CCDC144A: variants seen among roughly 807,000 people sequenced by gnomAD.
CCDC144A encodes coiled-coil domain-containing protein 144A.
In CCDC144A, 41 loss-of-function variants were observed where a neutral mutation model predicts 143.8. The observed-to-expected ratio is 0.29, with a 90% CI of 0.22 to 0.37. The LOEUF is 0.37. Ranked by LOEUF, CCDC144A falls within the 10% of genes least tolerant of loss-of-function variation. The pLI is 1.00. For missense variants in CCDC144A, 637 were observed against 1,488.8 expected (o/e 0.43, Z 9.41); for synonymous variants, 242 against 517.9 (o/e 0.47, Z 7.23).
At chr17:16,669,359 C>T in the CCDC144A span, among the ~76,000 whole-genome samples, 1 of 152,178 alleles carries the variant, frequency 6.6e-6, no homozygotes, top group Non-Finnish European at 1.5e-5. Context: ...TGTAGTCAGG[C>T]ATTCAACTGT....
intron 3 of CCDC144A, chr17:16,705,609 A>G (rs1406031822): frequency 5.4e-6 from 3 of 554,696 alleles, no homozygotes; most frequent in Non-Finnish European, 9.8e-6. Flanking sequence ...GGAAAGCATG[A>G]TTTTCTTTAG....
At position 16,709,024 on chromosome 17, in the gene CCDC144A, A is replaced by G; in HGVS notation, c.967A>G (p.Asn323Asp). 6.2e-7 allele frequency: 1 copy of G among 1,611,728 alleles called. No individual in the cohort carries two copies. Among genetic ancestry groups the G allele is most frequent in the Non-Finnish European group, 8.5e-7 (1 of 1,179,642 alleles). ...TCCTGAGGAAGAGCCACTACTTGAT[A>G]ACTCTACAAGAGGAACAGATGTAAA... ...ACPEEEPLLDNSTRGTDVKDI... is the reference protein window; with the variant it reads ...ACPEEEPLLDDSTRGTDVKDI... The change falls in exon 5 of 17, where the codon AAC (asparagine) becomes GAC (aspartate). Residue 323 changes from asparagine to aspartate, a missense_variant. By Grantham distance (23) the Asn-to-Asp change is conservative. Coordinates refer to ENST00000399273, the MANE Select transcript of CCDC144A (RefSeq NM_001382000.1).
chr17:16,717,937 GA>G (rs1912870276), intron 6 of CCDC144A, among the ~76,000 whole-genome samples: 1 of 152,202 alleles, frequency 6.6e-6, no homozygotes, highest in South Asian at 2.1e-4. Flanking sequence ...GCCAGTGTTT[GA>G]GAAGGTAATT....
chr17:16,718,771 A>G (rs1417423988), intron 6 of CCDC144A, among the ~76,000 whole-genome samples: 1 of 141,714 alleles, frequency 7.1e-6, no homozygotes, highest in Non-Finnish European at 1.5e-5. Context: ...GTTTTGTTTA[A>G]GTACTTTAGA....
the CCDC144A span, among the ~76,000 whole-genome samples, chr17:16,682,854 A>G: frequency 6.8e-6 from 1 of 147,902 alleles, no homozygotes; most frequent in Admixed American, 6.8e-5. Flanking sequence ...AGTCCTTACT[A>G]AAAGGAATGT....
intron 6 of CCDC144A, among the ~76,000 whole-genome samples, chr17:16,719,180 T>C (rs1362726121): frequency 6.6e-6 from 1 of 151,806 alleles, no homozygotes; most frequent in Non-Finnish European, 1.5e-5. Context: ...CAATGGATTA[T>C]AAAGTTCTGA....
At chr17:16,684,660 T>TC (rs1393626030), upstream of CCDC144A, among the ~76,000 whole-genome samples, 5,668 of 130,718 alleles carry the variant, frequency 0.043, 198 homozygotes, top group African/African-American at 0.1. Context: ...AGACTCCATC[T>TC]AAAAAAAAAA....
intron 12 of CCDC144A, among the ~76,000 whole-genome samples, chr17:16,758,894 C>T (rs1433670126): frequency 6.6e-6 from 1 of 152,148 alleles, no homozygotes; most frequent in Non-Finnish European, 1.5e-5. Context: ...AACCACTTGT[C>T]CCAATCTCTT....
intron 2 of CCDC144A, among the ~76,000 whole-genome samples, 175 bp from the exon 3 acceptor site, chr17:16,704,976 C>T (rs546259857): frequency 2.6e-5 from 4 of 152,058 alleles, no homozygotes; most frequent in African/African-American, 9.6e-5. Flanking sequence ...TTATACTTAC[C>T]TGAATGAATT....
chr17:16,743,441 G>A (rs934035210), intron 12 of CCDC144A, among the ~76,000 whole-genome samples: 5 of 152,050 alleles, frequency 3.3e-5, no homozygotes, highest in African/African-American at 7.2e-5. Context: ...TGTTCCATTG[G>A]TTTAATTTTC....
At chr17:16,693,758 T>G (rs1222312677) in intron 2 of CCDC144A, among the ~76,000 whole-genome samples, 1 of 150,968 alleles carries the variant, frequency 6.6e-6, no homozygotes, top group Non-Finnish European at 1.5e-5. Flanking sequence ...TCAATCACAA[T>G]TGACCCTTAA....
In CCDC144A at chr17:16,690,359, A is replaced by C. The variant is rs767669501; in HGVS notation, c.-42A>C. 1.0e-5 allele frequency: 15 copies of C among 1,439,892 alleles called. No individual in the cohort carries two copies. Among genetic ancestry groups the C allele is most frequent in the East Asian group, 2.4e-5 (1 of 41,882 alleles). 89.2% of individuals were successfully genotyped at this position (1,439,892 alleles called of 1,614,324 possible). ...TTTCGCAGATTGGAAACCGCGGGCT[A>C]TCCTGCTGGGAGGTTGTGGCCGAGG... On this transcript the variant is annotated 5_prime_UTR_variant, in exon 1 of 17. Coordinates refer to ENST00000399273, the MANE Select transcript of CCDC144A (RefSeq NM_001382000.1).
rs867866410 is a variant in CCDC144A at position 16,773,702 on chromosome 17, A to G, written c.*69A>G. 1.2e-4 allele frequency: 163 copies of G among 1,356,710 alleles called. No individual in the cohort carries two copies. The African/African-American group carries it at 2.2e-3, about 19-fold the overall frequency. The allele number at this position is 1,356,710 out of a possible 1,614,324, so 84.0% of individuals were successfully genotyped here. A position where few individuals can be genotyped will look rare whatever the true frequency, so the allele number is the denominator to read the frequency against. Reference sequence around the variant, plus strand: ...TTCCCATTAAATATATGATGTGAACATTTTTACTAAAGGGAAATATTCTAT... The same window carrying G: ...TTCCCATTAAATATATGATGTGAACGTTTTTACTAAAGGGAAATATTCTAT... On this transcript the variant is annotated 3_prime_UTR_variant, in exon 17 of 17. Coordinates refer to ENST00000399273, the MANE Select transcript of CCDC144A (RefSeq NM_001382000.1).
chr17:16,770,890 A>G, intron 15 of CCDC144A, among the ~76,000 whole-genome samples: 1 of 151,982 alleles, frequency 6.6e-6, no homozygotes, highest in Non-Finnish European at 1.5e-5. Context: ...CTGGATGGTA[A>G]TGCTGTTGTC....
intron 2 of CCDC144A, among the ~76,000 whole-genome samples, chr17:16,702,592 T>C (rs1911795870): frequency 6.6e-6 from 1 of 152,106 alleles, no homozygotes; most frequent in East Asian, 1.9e-4. Context: ...AAATGTACAG[T>C]TTTCCCCCCT....
At chr17:16,742,020 C>T (rs989507209) in intron 12 of CCDC144A, among the ~76,000 whole-genome samples, 5 of 151,266 alleles carry the variant, frequency 3.3e-5, no homozygotes, top group African/African-American at 1.2e-4. Flanking sequence ...ACCCCGGAGG[C>T]GGAGATTGCA....
rs549811268 is a variant in CCDC144A at position 16,708,831 on chromosome 17, C to T, written c.774C>T (p.Cys258=). The T allele has an allele frequency of 1.1e-5, 17 of 1,611,542 alleles. No individual in the cohort carries two copies. Among genetic ancestry groups the T allele is most frequent in the East Asian group, 8.9e-5 (4 of 44,856 alleles). The change falls in exon 5 of 17, where the codon TGC becomes TGT. Residue 258 remains cysteine (C), a synonymous_variant. Coordinates refer to ENST00000399273, the MANE Select transcript of CCDC144A (RefSeq NM_001382000.1). ...TSQEPEMAKD[C]DREDIPIYPV... is the part of the protein sequence containing the mutation. Reference sequence around the variant, plus strand: ...AAGAACCAGAAATGGCTAAGGATTGCGATAGAGAGGATATACCTATATATC... The same window carrying T: ...AAGAACCAGAAATGGCTAAGGATTGTGATAGAGAGGATATACCTATATATC...
At chr17:16,675,027 G>A in the CCDC144A span, among the ~76,000 whole-genome samples, 1 of 151,962 alleles carries the variant, frequency 6.6e-6, no homozygotes, top group Admixed American at 6.6e-5. Flanking sequence ...CCAGCACTTT[G>A]GGAGGCTGAG....
intron 6 of CCDC144A, among the ~76,000 whole-genome samples, chr17:16,713,485 C>T (rs1323605004): frequency 2.0e-5 from 3 of 152,068 alleles, no homozygotes; most frequent in South Asian, 2.1e-4. Flanking sequence ...CCCTTTTATT[C>T]GTGTTATAGA....
Sources: gnomAD v4.1 joint callset for allele counts (sites outside exome capture counted in the v4.1 genomes callset) on GRCh38, gnomAD v4.1.1 for gene constraint, MANE v1.5 for transcripts, NCBI Gene and HGNC (gene_info 2026-07-23, HGNC 2026-07-21) for gene names.